LY96: variants seen among roughly 807,000 people sequenced by gnomAD.
The protein encoded by LY96 is myeloid differentiation protein-2.
Under a neutral mutation model 18.9 loss-of-function variants are expected in LY96, and 18 were observed. The ratio of observed to expected loss-of-function variants is 0.95; its 90% CI spans 0.66 to 1.41. LY96 has a LOEUF of 1.41. Ranked by LOEUF, LY96 falls within the 40% of genes most tolerant of loss-of-function variation. The pLI is 0.00. For missense variants in LY96, 175 were observed against 182.4 expected, an observed-to-expected ratio of 0.96 and a Z score of 0.23; for synonymous variants, 66 against 62.6, an observed-to-expected ratio of 1.06 and a Z score of -0.26.
chr8:73,994,092 C>A (rs1467237651), intron 1 of LY96, among the ~76,000 whole-genome samples: 1 of 151,954 alleles, frequency 6.6e-6, no homozygotes, highest in Admixed American at 6.6e-5. Flanking sequence ...TCAAGCGATT[C>A]TTTTGCCTCA....
the LY96 span, among the ~76,000 whole-genome samples, chr8:74,065,425 ATGAATTTTGGTTG>A: frequency 2.6e-5 from 4 of 152,222 alleles, no homozygotes; most frequent in Non-Finnish European, 5.9e-5. Context: ...AGGTGTGTAC[ATGAATTTTGGTTG>A]TATTATTCTT....
chr8:74,064,385 C>A, the LY96 span, among the ~76,000 whole-genome samples: 7,101 of 152,200 alleles, frequency 0.047, 419 homozygotes, highest in African/African-American at 0.13. Context: ...TCATGGGAGG[C>A]GGATTCCTCA....
intron 1 of LY96, among the ~76,000 whole-genome samples, chr8:74,000,193 G>A (rs932763241): frequency 5.3e-5 from 8 of 152,030 alleles, no homozygotes; most frequent in East Asian, 3.9e-4. Flanking sequence ...TACTAATTTC[G>A]TTATCGAATT....
chr8:74,062,113 A>G, the LY96 span, among the ~76,000 whole-genome samples: 2 of 152,156 alleles, frequency 1.3e-5, no homozygotes, highest in African/African-American at 4.8e-5. Context: ...TGTTTCCCTG[A>G]TTTATAGCAA....
intron 1 of LY96, among the ~76,000 whole-genome samples, chr8:73,993,353 G>A (rs1461046035): frequency 6.6e-6 from 1 of 151,948 alleles, no homozygotes; most frequent in Non-Finnish European, 1.5e-5. Flanking sequence ...TCCACTCACT[G>A]CAACCTCCAC....
chr8:74,002,408 A>C (rs1816315022), intron 1 of LY96, among the ~76,000 whole-genome samples: 1 of 151,044 alleles, frequency 6.6e-6, no homozygotes, highest in Non-Finnish European at 1.5e-5. Context: ...TCACTCTTTT[A>C]AATTATTTTT....
the LY96 span, among the ~76,000 whole-genome samples, chr8:74,036,430 T>C: frequency 6.6e-6 from 1 of 152,150 alleles, no homozygotes; most frequent in Non-Finnish European, 1.5e-5. Context: ...TCTTTCCCAA[T>C]TGATCCTATA....
intron 1 of LY96, among the ~76,000 whole-genome samples, chr8:73,996,384 T>TCTTG: frequency 2.9e-5 from 1 of 34,728 alleles, no homozygotes; most frequent in Non-Finnish European, 5.5e-5. Flanking sequence ...TTTCTTTCTT[T>TCTTG]CTTTCTTTCT....
At chr8:74,047,874 GTTTTA>G in the LY96 span, among the ~76,000 whole-genome samples, 17 of 151,904 alleles carry the variant, frequency 1.1e-4, no homozygotes, top group Non-Finnish European at 1.9e-4. Flanking sequence ...ATTTCCCACT[GTTTTA>G]TTTTATTTTA....
At chr8:74,009,842 G>T (rs1281462131) in intron 2 of LY96, among the ~76,000 whole-genome samples, 159 bp from the exon 3 acceptor site, 1 of 152,140 alleles carries the variant, frequency 6.6e-6, no homozygotes, top group Non-Finnish European at 1.5e-5. Context: ...CTCATCTGCA[G>T]AAGAAGAGTA....
chr8:74,032,598 G>T (rs1398284840), downstream of LY96, among the ~76,000 whole-genome samples: 1 of 152,208 alleles, frequency 6.6e-6, no homozygotes, highest in East Asian at 1.9e-4. Context: ...GGAGAGCTCG[G>T]TTTTTGGAGA....
At chr8:74,082,762 G>A in the LY96 span, among the ~76,000 whole-genome samples, 6 of 152,142 alleles carry the variant, frequency 3.9e-5, no homozygotes. Flanking sequence ...AGCATGGACC[G>A]TCATGGCGAA....
At chr8:74,075,358 C>A in the LY96 span, among the ~76,000 whole-genome samples, 9 of 152,302 alleles carry the variant, frequency 5.9e-5, no homozygotes, top group Admixed American at 2.0e-4. Context: ...GCAGCCTCGA[C>A]CTTCTGGGCT....
At chr8:74,010,832 T>C (rs1380901989) in intron 3 of LY96, among the ~76,000 whole-genome samples, 1 of 151,914 alleles carries the variant, frequency 6.6e-6, no homozygotes, top group African/African-American at 2.4e-5. Context: ...CAGAGCAGCA[T>C]CCTAACTCTA....
the LY96 span, among the ~76,000 whole-genome samples, chr8:74,086,986 C>A: frequency 2.6e-5 from 4 of 152,162 alleles, no homozygotes; most frequent in Non-Finnish European, 5.9e-5. Context: ...TGCAGCAGCC[C>A]ATATGGACTA....
chr8:74,039,489 G>A, the LY96 span, among the ~76,000 whole-genome samples: 31 of 152,212 alleles, frequency 2.0e-4, no homozygotes, highest in East Asian at 4.8e-3. Flanking sequence ...AGCTGGGCCC[G>A]GGGGACCACT....
intron 1 of LY96, among the ~76,000 whole-genome samples, chr8:73,996,768 G>C (rs531093949): frequency 4.0e-5 from 6 of 151,618 alleles, no homozygotes; most frequent in Admixed American, 1.3e-4. Context: ...TTTTTGAGAT[G>C]GGGTCTTGCT....
chr8:74,028,145 T>G (rs1816907635), intron 4 of LY96, among the ~76,000 whole-genome samples: 1 of 152,218 alleles, frequency 6.6e-6, no homozygotes, highest in South Asian at 2.1e-4. Context: ...AATATTTAAC[T>G]TAACCACTCA....
chr8:74,092,386 A>G, the LY96 span, among the ~76,000 whole-genome samples: 1 of 152,128 alleles, frequency 6.6e-6, no homozygotes, highest in African/African-American at 2.4e-5. Flanking sequence ...ATGGCTCCTT[A>G]AGTCAGTCAT....
Sources: allele counts gnomAD v4.1 joint callset (sites outside exome capture counted in the v4.1 genomes callset), GRCh38; gene constraint gnomAD v4.1.1; transcripts MANE v1.5; gene names NCBI Gene and HGNC (gene_info 2026-07-23, HGNC 2026-07-21).